MID2: variants seen among roughly 807,000 people sequenced by gnomAD.
The protein encoded by MID2 is probable E3 ubiquitin-protein ligase MID2.
Under a neutral mutation model 46.1 loss-of-function variants are expected in MID2, and 13 were observed. That is an observed-to-expected ratio of 0.28 (90% CI 0.18 to 0.45). The LOEUF (loss-of-function observed/expected upper bound fraction) is 0.45. Ranked by LOEUF, MID2 falls within the 20% of genes least tolerant of loss-of-function variation. MID2 has a pLI of 1.00. For synonymous variants in MID2, 199 were observed against 212.3 expected (o/e 0.94, Z 0.55); for missense variants, 431 against 575.4 (o/e 0.75, Z 2.57).
intron 3 of MID2, among the ~76,000 whole-genome samples, chrX:107,865,809 T>A (rs923947927): frequency 1.8e-5 from 2 of 112,702 alleles, no homozygotes; most frequent in Admixed American, 9.4e-5. Context: ...TAGCTAAAAG[T>A]GTATAGCACC....
intron 1 of MID2, among the ~76,000 whole-genome samples, chrX:107,827,693 C>A (rs1406598383): frequency 9.1e-6 from 1 of 110,177 alleles, no homozygotes; most frequent in Non-Finnish European, 1.9e-5. Context: ...TACTTTTCTT[C>A]TGTTTGGGGA....
chrX:107,844,615 TC>T (rs1931420142), intron 2 of MID2, among the ~76,000 whole-genome samples: 1 of 111,502 alleles, frequency 9.0e-6, no homozygotes, highest in African/African-American at 3.3e-5. Context: ...TCGGTGACTG[TC>T]TATTGCTGAT....
At chrX:107,863,608 T>C (rs1931900438) in intron 3 of MID2, among the ~76,000 whole-genome samples, 1 of 112,737 alleles carries the variant, frequency 8.9e-6, no homozygotes, top group African/African-American at 3.2e-5. Context: ...CAGTGTGCTC[T>C]TGGAAAGTTA....
At chrX:107,910,784 TTTCC>T (rs1385056204) in intron 5 of MID2, among the ~76,000 whole-genome samples, 3 of 8,583 alleles carry the variant, frequency 3.5e-4, no homozygotes, top group Non-Finnish European at 6.0e-4. Flanking sequence ...TTTCCTTTCC[TTTCC>T]TTTCCTTTCC....
chrX:107,861,516 G>C (rs182062610), intron 3 of MID2, among the ~76,000 whole-genome samples: 12 of 110,528 alleles, frequency 1.1e-4, no homozygotes, highest in African/African-American at 4.0e-4. Flanking sequence ...GCTACTCAAG[G>C]GGCTGAGGCA....
At chrX:107,874,968 C>T (rs1369442445) in intron 3 of MID2, among the ~76,000 whole-genome samples, 2 of 111,075 alleles carry the variant, frequency 1.8e-5, no homozygotes, top group African/African-American at 3.3e-5. Context: ...TACTACCCTC[C>T]GAGAGGTTTC....
At chrX:107,917,801 C>T (rs1217528414) in intron 7 of MID2, 62 bp downstream of exon 7, 2 of 1,031,534 alleles carry the variant, frequency 1.9e-6, no homozygotes, top group South Asian at 2.1e-5. Context: ...GTGTAAGCTC[C>T]CCAGGGCATT....
intron 1 of MID2, among the ~76,000 whole-genome samples, chrX:107,828,405 G>C (rs1427726265): frequency 1.0e-5 from 1 of 100,029 alleles, no homozygotes; most frequent in African/African-American, 4.0e-5. Context: ...TCCACCTCTC[G>C]GGCTTAAGCA....
intron 3 of MID2, among the ~76,000 whole-genome samples, chrX:107,866,184 A>G (rs1339460553): frequency 8.9e-6 from 1 of 111,834 alleles, no homozygotes; most frequent in Non-Finnish European, 1.9e-5. Context: ...ATTGCCACCC[A>G]CTCAACAGTC....
At chrX:107,912,703 T>G (rs1012357753) in intron 5 of MID2, among the ~76,000 whole-genome samples, 2 of 111,597 alleles carry the variant, frequency 1.8e-5, no homozygotes, top group Non-Finnish European at 3.8e-5. Context: ...GGGCTTCAAT[T>G]ACCATCTAGA....
At chrX:107,918,509 C>G (rs1229756223) in intron 7 of MID2, among the ~76,000 whole-genome samples, 1 of 112,220 alleles carries the variant, frequency 8.9e-6, no homozygotes, top group Admixed American at 9.4e-5. Flanking sequence ...CACAGGCCAG[C>G]ATGAGAGTAG....
chrX:107,901,055 C>T (rs958552830), intron 3 of MID2: 3 of 111,913 alleles, frequency 2.7e-5, no homozygotes, highest in Non-Finnish European at 3.8e-5. Flanking sequence ...GATTAATTAA[C>T]GAGGTTTTTG....
At chrX:107,877,320 G>A (rs1403405176) in intron 3 of MID2, among the ~76,000 whole-genome samples, 2 of 111,926 alleles carry the variant, frequency 1.8e-5, no homozygotes, top group Non-Finnish European at 3.8e-5. Context: ...GTGCTATGAG[G>A]CATTTTACCT....
At chrX:107,910,940 G>A (rs1028597341) in intron 5 of MID2, among the ~76,000 whole-genome samples, 2 of 96,840 alleles carry the variant, frequency 2.1e-5, no homozygotes, top group Non-Finnish European at 4.1e-5. Flanking sequence ...TGCAATCTCT[G>A]CCTCCCAGAT....
At chrX:107,886,256 G>A (rs1288946481) in intron 3 of MID2, among the ~76,000 whole-genome samples, 1 of 112,172 alleles carries the variant, frequency 8.9e-6, no homozygotes, top group Non-Finnish European at 1.9e-5. Flanking sequence ...ATGCTTTTAG[G>A]TCTAACATTT....
At chrX:107,913,836 T>A (rs894292649) in intron 5 of MID2, among the ~76,000 whole-genome samples, 1 of 111,770 alleles carries the variant, frequency 8.9e-6, no homozygotes, top group African/African-American at 3.3e-5. Flanking sequence ...AACATGAATT[T>A]CAGCATATTA....
intron 3 of MID2, among the ~76,000 whole-genome samples, chrX:107,885,563 A>G (rs1260979391): frequency 1.8e-5 from 2 of 111,324 alleles, no homozygotes; most frequent in Non-Finnish European, 3.8e-5. Context: ...GCTATTGTGA[A>G]TAGTGCCACA....
intron 2 of MID2, among the ~76,000 whole-genome samples, chrX:107,847,472 T>C (rs1459300258): frequency 1.8e-5 from 2 of 111,378 alleles, no homozygotes; most frequent in Non-Finnish European, 3.8e-5. Flanking sequence ...GCGGAAAGAA[T>C]TGACAAAACT....
chrX:107,868,219 T>C (rs28599746), intron 3 of MID2, among the ~76,000 whole-genome samples: 2,239 of 111,657 alleles, frequency 0.02, 64 homozygotes, highest in African/African-American at 0.069. Flanking sequence ...TGAGGTCACC[T>C]AAGTCAGTGT....
Sources: gnomAD v4.1 joint callset for allele counts (sites outside exome capture counted in the v4.1 genomes callset) on GRCh38, gnomAD v4.1.1 for gene constraint, MANE v1.5 for transcripts, NCBI Gene and HGNC (gene_info 2026-07-23, HGNC 2026-07-21) for gene names.